The following MYO7B variants were observed in gnomAD, a reference collection of about 807,000 sequenced individuals.
MYO7B encodes the protein myosin VIIB.
MYO7B carries 212 observed loss-of-function variants against 259.7 expected under a neutral mutation model. The observed-to-expected ratio is 0.82, with a 90% CI of 0.73 to 0.91. MYO7B has a LOEUF of 0.91. Among genes scored for constraint, MYO7B ranks in the 40% least tolerant of loss-of-function variants. The pLI is 0.00. For missense variants in MYO7B, 2,732 were observed against 2,813.5 expected (o/e 0.97, Z 0.66); for synonymous variants, 1,197 against 1,166.4 (o/e 1.03, Z -0.54).
chr2:127,623,161 G>A (rs1486249449), intron 28 of MYO7B, 41 bp from the exon 29 acceptor site: 1 of 1,608,504 alleles, frequency 6.2e-7, no homozygotes, highest in South Asian at 1.1e-5. Context: ...CCTGTCCATA[G>A]GTTCCAAGAG....
chr2:127,629,780 G>A lies in MYO7B; in HGVS notation c.4760G>A (p.Cys1587Tyr), dbSNP rs1681364014. 2.5e-6 allele frequency: 4 copies of A among 1,601,088 alleles called. No individual in the cohort carries two copies. In the East Asian group the frequency reaches 9.0e-5, roughly 36 times the overall value. The part of the protein sequence containing the change: ...TGKTGLVPMA[C>Y]LYTIPTVTKP... ...AAGACGGGGCTGGTGCCCATGGCCTGCCTCTACACCATCCCCACGGTCACT... is the reference window on the plus strand; with the variant it reads ...AAGACGGGGCTGGTGCCCATGGCCTACCTCTACACCATCCCCACGGTCACT... The change falls in exon 35 of 48, where the codon TGC becomes TAC. Residue 1587 changes from cysteine (C) to tyrosine (Y), a missense_variant. Cys to Tyr is a radical substitution (Grantham distance 194). Around this residue, in one of 3 missense-constraint regions of MYO7B, gnomAD observed 821 missense variants for 769.3 expected, o/e 1.07. Transcript: ENST00000409816.
In MYO7B at chr2:127,609,118, C is replaced by T. The variant is rs998662440; in HGVS notation, c.2814+240C>T. Reference sequence around the variant, plus strand: ...CTGGAGCCTTCTCTACCAATGCTGCCGGGCTCTCCATCACATGGCATTCCC... The same window carrying T: ...CTGGAGCCTTCTCTACCAATGCTGCTGGGCTCTCCATCACATGGCATTCCC... On this transcript the variant is annotated intron_variant, in intron 22 of 47. Transcript: ENST00000409816. The surrounding 1 kb of genome is among the most constrained non-coding windows in gnomAD (Gnocchi z 6.9). Among the ~76,000 whole-genome samples the T allele has an allele frequency of 2.6e-5, 4 of 152,220 alleles. No homozygotes were observed. The highest frequency in any genetic ancestry group is 5.9e-5 in the Non-Finnish European group (4 of 68,034).
intron 19 of MYO7B, 132 bp downstream of exon 19, chr2:127,596,688 C>T (rs895770843): frequency 8.4e-6 from 6 of 715,266 alleles, no homozygotes; most frequent in Non-Finnish European, 1.5e-5. Context: ...CTTCCAATGC[C>T]TTCCAACCAG....
At position 127,636,897 on chromosome 2, in the gene MYO7B, T is replaced by G. The variant is rs771385940; in HGVS notation, c.6311T>G (p.Leu2104Arg). ...AGCCTGGGCCGTGGCAGCCGCCTGC[T>G]GTGCGAGACCTCCCTGGTGAGCTCA... ...LGSLGRGSRL[L>R]CETSLGYKMD... Residue 2104 changes from leucine to arginine, a missense_variant, in exon 47 of 48, where the codon CTG becomes CGG. Physicochemically the swap from Leu to Arg is moderately radical, Grantham distance 102. Around this residue, in one of 3 missense-constraint regions of MYO7B, gnomAD observed 821 missense variants for 769.3 expected, o/e 1.07. Transcript: ENST00000409816. This position sits in a 1 kb window ranked among gnomAD's most constrained non-coding sequence, Gnocchi z 4.5. 2 of 1,613,004 alleles carry G rather than the reference T, an allele frequency of 1.2e-6. No homozygotes were observed. Among genetic ancestry groups the G allele is most frequent in the South Asian group, 1.1e-5 (1 of 91,082 alleles).
chr2:127,625,517 C>G lies in MYO7B; in HGVS notation c.4197C>G (p.Val1399=). 1 of 1,604,756 alleles carries G rather than the reference C, an allele frequency of 6.2e-7. No individual in the cohort carries two copies. Among genetic ancestry groups the G allele is most frequent in the Non-Finnish European group, 8.5e-7 (1 of 1,176,248 alleles). The change falls in exon 31 of 48, where the codon GTC becomes GTG. Residue 1399 remains valine (V), a synonymous_variant. Coordinates refer to ENST00000409816, the MANE Select transcript of MYO7B (RefSeq NM_001393586.1). The part of the protein sequence containing the change: ...TKPPDRWASL[V]TAACAKAPYT... ...CCCCAGACAGGTGGGCGAGCCTCGTCACTGCCGCCTGCGCCAAGGTCAGCC... is the reference window on the plus strand; with the variant it reads ...CCCCAGACAGGTGGGCGAGCCTCGTGACTGCCGCCTGCGCCAAGGTCAGCC...
intron 15 of MYO7B, among the ~76,000 whole-genome samples, chr2:127,589,355 G>C (rs1156265078): frequency 2.0e-5 from 3 of 149,788 alleles, no homozygotes; most frequent in African/African-American, 7.4e-5. Flanking sequence ...GGATGGATGG[G>C]TGGGTGGAAT....
chr2:127,584,143 C>A lies in MYO7B; in HGVS notation c.1365C>A (p.Asn455Lys). Residue 455 changes from asparagine to lysine, a missense_variant, in exon 13 of 48, where the codon AAC becomes AAA. Coordinates refer to ENST00000409816, the MANE Select transcript of MYO7B (RefSeq NM_001393586.1). The surrounding 1 kb of genome is among the most constrained non-coding windows in gnomAD (Gnocchi z 5.8). ...ENNSFEQLCI[N>K]FANEHLQQFF... ...ACAGCTTCGAGCAGCTCTGCATCAA[C>A]TTCGCCAACGAGCACCTGCAGCAGT... The A allele has an allele frequency of 6.2e-7, 1 of 1,613,574 alleles. No homozygotes were observed. The highest frequency in any genetic ancestry group is 1.3e-5 in the African/African-American group (1 of 75,028).
Position 127,636,144 on chromosome 2 carries a change from C to T in MYO7B, c.6007-64C>T. 2 of 1,368,202 alleles carry T rather than the reference C, an allele frequency of 1.5e-6. No individual in the cohort carries two copies. The highest frequency in any genetic ancestry group is 2.5e-5 in the South Asian group (2 of 81,584). The allele number at this position is 1,368,202 out of a possible 1,614,324, so 84.8% of individuals were successfully genotyped here. A position where few individuals can be genotyped will look rare whatever the true frequency, so the allele number is the denominator to read the frequency against. ...CTAGCCCTGGGGTAGGCAGGTGCTG[C>T]CCCCACCAGGGCTTTGGAGGGCCTC... On this transcript the variant is annotated intron_variant, in intron 44 of 47. Coordinates refer to ENST00000409816, the MANE Select transcript of MYO7B (RefSeq NM_001393586.1). The surrounding 1 kb of genome is among the most constrained non-coding windows in gnomAD (Gnocchi z 4.5).
intron 3 of MYO7B, 118 bp downstream of exon 3, chr2:127,564,384 C>A (rs1678242262): frequency 2.7e-6 from 2 of 731,678 alleles, no homozygotes; most frequent in Non-Finnish European, 4.4e-6. Flanking sequence ...CAAGTGGGGA[C>A]CTGGGTGGCA....
At chr2:127,599,237 G>A (rs897979758) in intron 19 of MYO7B, among the ~76,000 whole-genome samples, 2 of 152,054 alleles carry the variant, frequency 1.3e-5, no homozygotes, top group Non-Finnish European at 2.9e-5. Context: ...TCATGCATCC[G>A]TGTTTTGTAG....
chr2:127,618,525 G>A (rs898896033), intron 26 of MYO7B, among the ~76,000 whole-genome samples: 7 of 152,224 alleles, frequency 4.6e-5, no homozygotes, highest in Non-Finnish European at 8.8e-5. Context: ...CCTGGGTCGT[G>A]ACTGCCCTCA....
At chr2:127,587,553 CTTCTTTCT>C (rs1183563526) in intron 14 of MYO7B, among the ~76,000 whole-genome samples, 2 of 149,294 alleles carry the variant, frequency 1.3e-5, no homozygotes, top group African/African-American at 2.5e-5. Context: ...CTCATCTCCC[CTTCTTTCT>C]TTCTTTCTTT....
At chr2:127,630,487 T>C (rs565819045) in intron 35 of MYO7B, among the ~76,000 whole-genome samples, 1 of 152,116 alleles carries the variant, frequency 6.6e-6, no homozygotes, top group East Asian at 1.9e-4. Flanking sequence ...GAAGGGGAGC[T>C]GGGGAGCTGG....
chr2:127,621,159 C>T (rs1004097283), intron 27 of MYO7B, among the ~76,000 whole-genome samples: 1 of 152,184 alleles, frequency 6.6e-6, no homozygotes, highest in East Asian at 1.9e-4. Context: ...CTGTTCCTCC[C>T]CACCCCAAGG....
chr2:127,581,852 G>A, intron 10 of MYO7B, 39 bp from the exon 11 acceptor site: 1 of 1,611,392 alleles, frequency 6.2e-7, no homozygotes, highest in Non-Finnish European at 8.5e-7. Flanking sequence ...GCCAGGCCCT[G>A]CTCCACAGGT....
chr2:127,631,341 C>T lies in MYO7B; in HGVS notation c.5073C>T (p.Asp1691=), dbSNP rs1356798650. 26 of 1,609,466 alleles carry T rather than the reference C, an allele frequency of 1.6e-5. No homozygotes were observed. The highest frequency in any genetic ancestry group is 2.0e-5 in the Non-Finnish European group (24 of 1,177,098). Residue 1691 remains aspartate, a synonymous_variant, in exon 37 of 48, where the codon GAC becomes GAT. Transcript: ENST00000409816. ...TCCACGCCAACGTCGACCTCTGGGA[C>T]ATCGCCTGCCAGATCTTTGTCGATA... ...KRVHANVDLW[D]IACQIFVAIL... is the part of the protein sequence containing the mutation.
intron 26 of MYO7B, 22 bp downstream of exon 26, chr2:127,612,625 G>A (rs705092): frequency 0.19 from 307,102 of 1,605,754 alleles, 30,754 homozygotes; most frequent in South Asian, 0.29. Flanking sequence ...CTCCCATCCC[G>A]GCCCCATTCA....
chr2:127,554,228 C>G (rs766794950), intron 1 of MYO7B, among the ~76,000 whole-genome samples: 2 of 152,178 alleles, frequency 1.3e-5, no homozygotes, highest in Non-Finnish European at 2.9e-5. Flanking sequence ...GCGTGTGCCA[C>G]CATGTCCAGC....
intron 10 of MYO7B, 135 bp from the exon 11 acceptor site, chr2:127,581,756 C>A: frequency 1.6e-6 from 2 of 1,243,112 alleles, no homozygotes; most frequent in Non-Finnish European, 2.2e-6. Flanking sequence ...CTGGCCCTGG[C>A]CTCGGGCAGC....
Sources: gnomAD v4.1 joint callset for allele counts (sites outside exome capture counted in the v4.1 genomes callset) on GRCh38, gnomAD v4.1.1 for gene constraint, gnomAD v4.1.1 regional missense constraint, Gnocchi (gnomAD v3.1) non-coding constraint, MANE v1.5 for transcripts, NCBI Gene and HGNC (gene_info 2026-07-23, HGNC 2026-07-21) for gene names.